The following ELF2 variants were observed in gnomAD, a reference collection of about 807,000 sequenced individuals.
ELF2 encodes the protein ETS-related transcription factor Elf-2.
ELF2 carries 11 observed loss-of-function variants against 54.8 expected under a neutral mutation model. The ratio of observed to expected loss-of-function variants is 0.20; its 90% CI spans 0.13 to 0.33. ELF2 has a LOEUF of 0.33. Among genes scored for constraint, ELF2 ranks in the 10% least tolerant of loss-of-function variants. The pLI is 1.00. For missense variants in ELF2, 513 were observed against 703.0 expected, an observed-to-expected ratio of 0.73 and a Z score of 3.06; for synonymous variants, 203 against 245.1, an observed-to-expected ratio of 0.83 and a Z score of 1.61.
At chr4:139,168,982 T>A (rs1326177070) in intron 1 of ELF2, among the ~76,000 whole-genome samples, 1 of 152,080 alleles carries the variant, frequency 6.6e-6, no homozygotes, top group Non-Finnish European at 1.5e-5. Flanking sequence ...GAAAGGAGGG[T>A]TCTCATGCAT....
At chr4:139,127,791 C>T (rs375430917) in intron 3 of ELF2, among the ~76,000 whole-genome samples, 9 of 151,922 alleles carry the variant, frequency 5.9e-5, no homozygotes, top group East Asian at 5.8e-4. Context: ...ACAGTAAAAC[C>T]CCATCCCTAC....
intron 6 of ELF2, 76 bp from the exon 7 acceptor site, chr4:139,067,846 T>C: frequency 7.4e-7 from 1 of 1,351,768 alleles, no homozygotes; most frequent in Non-Finnish European, 1.0e-6. Context: ...GACTTTCTGA[T>C]TACACATTAT....
At chr4:139,165,536 G>A (rs957874903) in intron 1 of ELF2, among the ~76,000 whole-genome samples, 3 of 152,086 alleles carry the variant, frequency 2.0e-5, no homozygotes, top group African/African-American at 7.2e-5. Flanking sequence ...AACGGCTCAC[G>A]CCTGTAATCC....
intron 4 of ELF2, among the ~76,000 whole-genome samples, chr4:139,104,508 CAA>C (rs34642901): frequency 1.4e-4 from 11 of 76,904 alleles, no homozygotes; most frequent in African/African-American, 2.1e-4. Flanking sequence ...GACTCTGTCT[CAA>C]AAAAAAAAAA....
chr4:139,062,506 A>C (rs567680836), intron 7 of ELF2, among the ~76,000 whole-genome samples: 20 of 152,306 alleles, frequency 1.3e-4, no homozygotes, highest in African/African-American at 4.6e-4. Context: ...TCCCCTATGT[A>C]TGCTTACAGT....
chr4:139,125,467 A>G lies in ELF2; in HGVS notation c.73-138T>C, dbSNP rs1736823494. On this transcript the variant is annotated intron_variant, in intron 3 of 9. Coordinates refer to ENST00000686138, the MANE Select transcript of ELF2 (RefSeq NM_001331036.3). The stretch of plus-strand genomic sequence containing the variant: ...ATTATAAATATGAATGTAAAAGCCA[A>G]AACAAGAGATGAAAAGGGCTAACTT... The G allele has an allele frequency of 3.1e-6, 3 of 977,206 alleles. No homozygotes were observed. In the East Asian group the frequency reaches 8.9e-5, roughly 29 times the overall value. 60.5% of individuals were successfully genotyped at this position (977,206 alleles called of 1,614,324 possible).
chr4:139,090,520 T>C (rs1387534595), intron 4 of ELF2, among the ~76,000 whole-genome samples: 1 of 152,250 alleles, frequency 6.6e-6, no homozygotes, highest in African/African-American at 2.4e-5. Context: ...TTTTGTCTTA[T>C]TGATCTATAG....
At chr4:139,137,465 T>C (rs1278132243) in intron 3 of ELF2, 165 bp downstream of exon 3, 4 of 686,988 alleles carry the variant, frequency 5.8e-6, no homozygotes, top group Non-Finnish European at 9.7e-6. Flanking sequence ...AATACCTTCC[T>C]TGACCTTCTA....
intron 3 of ELF2, among the ~76,000 whole-genome samples, chr4:139,129,845 C>T (rs1405669784): frequency 6.6e-6 from 1 of 152,246 alleles, no homozygotes; most frequent in East Asian, 1.9e-4. Context: ...ATTAATGACT[C>T]CCCTTTGGTC....
chr4:139,175,041 C>T (rs957830405), intron 1 of ELF2, among the ~76,000 whole-genome samples: 14 of 152,158 alleles, frequency 9.2e-5, no homozygotes, highest in Non-Finnish European at 1.9e-4. Flanking sequence ...AATTGTTCAC[C>T]TGCAAAATGG....
In ELF2 at chr4:139,059,059, A is replaced by G. The variant is rs1727419194; in HGVS notation, c.1706T>C (p.Val569Ala). Residue 569 changes from valine to alanine, a missense_variant, in exon 10 of 10, where the codon GTG becomes GCG. Val to Ala is a moderately conservative substitution (Grantham distance 64). Around this residue, in one of 3 missense-constraint regions of ELF2, gnomAD observed 291 missense variants for 366.1 expected, o/e 0.79. Transcript: ENST00000686138. ...AATAGCTGAAGGCGCACTGACAACC[A>G]CTACGTGGGTCACTGTCTTATTTCC... is the stretch of plus-strand genomic sequence containing the variant. ...ADGNKTVTHV[V>A]VVSAPSAIAL... 3 of 1,613,956 alleles carry G rather than the reference A, an allele frequency of 1.9e-6. No individual in the cohort carries two copies. The highest frequency in any genetic ancestry group is 8.5e-7 in the Non-Finnish European group (1 of 1,179,848).
chr4:139,164,151 GA>G (rs1056692361), intron 1 of ELF2, among the ~76,000 whole-genome samples: 2 of 144,054 alleles, frequency 1.4e-5, no homozygotes, highest in South Asian at 4.5e-4. Context: ...GAGAGAGAAA[GA>G]AAGAAAGAAG....
chr4:139,065,458 A>AGAGTGAGACCCT (rs1728551363), intron 7 of ELF2, among the ~76,000 whole-genome samples: 1 of 152,228 alleles, frequency 6.6e-6, no homozygotes, highest in Admixed American at 6.5e-5. Context: ...CCTAGGTGAC[A>AGAGTGAGACCCT]GAGTGAGACC....
chr4:139,135,237 A>ATATGTGTG (rs1350223045), intron 3 of ELF2, among the ~76,000 whole-genome samples: 4 of 112,392 alleles, frequency 3.6e-5, no homozygotes, highest in African/African-American at 1.2e-4. Flanking sequence ...TACTATATAT[A>ATATGTGTG]TGTGTGTGTG....
chr4:139,086,329 A>T (rs1425188032), intron 4 of ELF2, among the ~76,000 whole-genome samples: 1 of 152,250 alleles, frequency 6.6e-6, no homozygotes, highest in Non-Finnish European at 1.5e-5. Context: ...ATGTCTGTGA[A>T]GCACAACAAG....
At chr4:139,150,091 A>T (rs571702662) in intron 1 of ELF2, among the ~76,000 whole-genome samples, 6 of 151,916 alleles carry the variant, frequency 3.9e-5, no homozygotes, top group African/African-American at 1.5e-4. Context: ...TGTAATCCCA[A>T]TACTTTGGGA....
chr4:139,078,916 TAAC>T (rs780002596), intron 4 of ELF2, among the ~76,000 whole-genome samples: 22 of 152,176 alleles, frequency 1.4e-4, no homozygotes, highest in African/African-American at 5.3e-4. Context: ...CAACCATAAA[TAAC>T]ATTTTTTATG....
intron 7 of ELF2, among the ~76,000 whole-genome samples, chr4:139,063,596 G>A (rs544521741): frequency 6.6e-6 from 1 of 152,236 alleles, no homozygotes; most frequent in South Asian, 2.1e-4. Flanking sequence ...CCTGGTCCCT[G>A]CCTCAAGGAA....
At chr4:139,101,518 C>T (rs1197743387) in intron 4 of ELF2, 1 of 152,200 alleles carries the variant, frequency 6.6e-6, no homozygotes, top group Non-Finnish European at 1.5e-5. Flanking sequence ...TTTCTTGTGG[C>T]CTCCAAAAAC....
Sources: allele counts gnomAD v4.1 joint callset (sites outside exome capture counted in the v4.1 genomes callset), GRCh38; gene constraint gnomAD v4.1.1; regional missense constraint gnomAD v4.1.1; transcripts MANE v1.5; gene names NCBI Gene and HGNC (gene_info 2026-07-23, HGNC 2026-07-21).